Variants in ANO6 observed in about 807,000 individuals in gnomAD.
ANO6 encodes the protein anoctamin 6.
ANO6 carries 106 observed loss-of-function variants against 117.5 expected under a neutral mutation model. That is an observed-to-expected ratio of 0.90 (90% CI 0.77 to 1.06). ANO6 has a LOEUF of 1.06. ANO6 is among the 50% of genes least tolerant of loss of function. The probability of loss-of-function intolerance (pLI) is 0.00; values close to 1 mark genes in which losing one functional copy is unlikely to be tolerated. For missense variants in ANO6, 955 were observed against 1,121.1 expected (o/e 0.85, Z 2.12); for synonymous variants, 367 against 385.1 (o/e 0.95, Z 0.55).
chr12:45,438,965 A>G (rs1943739498), intron 19 of ANO6, among the ~76,000 whole-genome samples: 1 of 152,262 alleles, frequency 6.6e-6, no homozygotes, highest in African/African-American at 2.4e-5. Context: ...TAAATGCCTC[A>G]TCTGTCCTGA....
At chr12:45,264,571 T>A (rs188198344) in intron 1 of ANO6, among the ~76,000 whole-genome samples, 2 of 152,214 alleles carry the variant, frequency 1.3e-5, no homozygotes, top group African/African-American at 4.8e-5. Context: ...AGTAAAGTTT[T>A]AAAATAGATG....
At chr12:45,357,521 T>C in intron 8 of ANO6, 97 bp downstream of exon 8, 1 of 1,421,034 alleles carries the variant, frequency 7.0e-7, no homozygotes, top group Non-Finnish European at 9.8e-7. Flanking sequence ...CAAGACTGAC[T>C]GCAGAACATT....
intron 1 of ANO6, among the ~76,000 whole-genome samples, chr12:45,239,787 A>G (rs1300327490): frequency 1.3e-5 from 2 of 152,192 alleles, no homozygotes; most frequent in Non-Finnish European, 2.9e-5. Context: ...TTACGTACCC[A>G]GTAATTCAGG....
chr12:45,420,303 A>C (rs1943325079), intron 17 of ANO6, among the ~76,000 whole-genome samples: 1 of 152,322 alleles, frequency 6.6e-6, no homozygotes, highest in Non-Finnish European at 1.5e-5. Context: ...AATTATTTTC[A>C]TAATGTTGAC....
intron 1 of ANO6, among the ~76,000 whole-genome samples, chr12:45,228,713 G>A (rs762471017): frequency 4.6e-5 from 7 of 152,210 alleles, no homozygotes; most frequent in Non-Finnish European, 8.8e-5. Context: ...GTGGAGGCAG[G>A]GCAGTCAGGT....
At chr12:45,314,630 T>C (rs929646558) in intron 2 of ANO6, among the ~76,000 whole-genome samples, 1 of 151,912 alleles carries the variant, frequency 6.6e-6, no homozygotes, top group Non-Finnish European at 1.5e-5. Flanking sequence ...AGCTCAACCT[T>C]GAAGACTACA....
At chr12:45,281,555 T>C (rs1238081382) in intron 1 of ANO6, among the ~76,000 whole-genome samples, 1 of 152,140 alleles carries the variant, frequency 6.6e-6, no homozygotes, top group East Asian at 1.9e-4. Context: ...GAGAATACCA[T>C]ACTCTTTTAA....
At chr12:45,299,883 G>A (rs1592934660) in intron 1 of ANO6, among the ~76,000 whole-genome samples, 1 of 152,048 alleles carries the variant, frequency 6.6e-6, no homozygotes, top group East Asian at 1.9e-4. Flanking sequence ...AAAAAAAATT[G>A]AATCCAAATA....
intron 1 of ANO6, among the ~76,000 whole-genome samples, chr12:45,219,802 C>A (rs1423635157): frequency 6.6e-6 from 1 of 152,158 alleles, no homozygotes; most frequent in East Asian, 1.9e-4. Context: ...AACCTGTTGG[C>A]ATTAGAGCAT....
At chr12:45,319,552 A>T (rs1017733054) in intron 2 of ANO6, among the ~76,000 whole-genome samples, 9 of 152,198 alleles carry the variant, frequency 5.9e-5, no homozygotes, top group African/African-American at 1.9e-4. Flanking sequence ...ATCGATGTTC[A>T]TCAGGGATAT....
intron 12 of ANO6, among the ~76,000 whole-genome samples, chr12:45,391,264 C>G (rs1214317156): frequency 6.6e-6 from 1 of 152,236 alleles, no homozygotes; most frequent in East Asian, 1.9e-4. Flanking sequence ...AACACATTTT[C>G]TGTAAAATAT....
chr12:45,439,786 C>T (rs975528232), exon 20 of ANO6: 2 of 1,550,330 alleles, frequency 1.3e-6, no homozygotes, highest in African/African-American at 1.4e-5. Flanking sequence ...TGAAATTAGA[C>T]TTTTGGAACA....
At chr12:45,292,288 T>G (rs1041031422) in intron 1 of ANO6, among the ~76,000 whole-genome samples, 6 of 152,056 alleles carry the variant, frequency 3.9e-5, no homozygotes, top group Non-Finnish European at 8.8e-5. Context: ...GAAAAAAGAT[T>G]AGAGATAACT....
chr12:45,316,634 G>A (rs1940035215), intron 2 of ANO6, among the ~76,000 whole-genome samples: 1 of 151,800 alleles, frequency 6.6e-6, no homozygotes, highest in African/African-American at 2.4e-5. Flanking sequence ...TTAAATACTT[G>A]GACATGTTAC....
chr12:45,409,214 G>A, intron 15 of ANO6, 143 bp from the exon 16 acceptor site: 1 of 1,084,518 alleles, frequency 9.2e-7, no homozygotes, highest in South Asian at 1.4e-5. Context: ...TAAGGAGGCA[G>A]AAATAAAAAC....
Position 45,431,423 on chromosome 12 carries a change from A to G in ANO6, c.*2112A>G, listed in dbSNP as rs1474404049. The G allele has an allele frequency of 1.0e-6, 1 of 985,188 alleles. No homozygotes were observed. Among genetic ancestry groups the G allele is most frequent in the Non-Finnish European group, 1.2e-6 (1 of 829,922 alleles). The allele number at this position is 985,188 out of a possible 1,614,324, so 61.0% of individuals were successfully genotyped here. On this transcript the variant is annotated 3_prime_UTR_variant, in exon 20 of 20. Transcript: ENST00000320560. ...TCAGCATAGAAAAGGAAATGTTTTT[A>G]CCTTATCTCCTGTATGTATGATAGA...
intron 1 of ANO6, among the ~76,000 whole-genome samples, chr12:45,240,351 A>ATTTT (rs57126852): frequency 6.5e-5 from 2 of 30,738 alleles, no homozygotes; most frequent in Non-Finnish European, 8.7e-5. Context: ...GCAACCCCTG[A>ATTTT]TTTTTTTTTT....
At chr12:45,438,107 G>A (rs760342597) in intron 19 of ANO6, among the ~76,000 whole-genome samples, 11 of 152,114 alleles carry the variant, frequency 7.2e-5, no homozygotes, top group African/African-American at 2.4e-4. Context: ...CTTCCGCTCA[G>A]GCAAGCTGCC....
chr12:45,325,203 G>A (rs528240548), intron 2 of ANO6, among the ~76,000 whole-genome samples: 1 of 152,212 alleles, frequency 6.6e-6, no homozygotes, highest in African/African-American at 2.4e-5. Context: ...TATTATTTTG[G>A]TTCCAACTGA....
Sources: allele counts gnomAD v4.1 joint callset (sites outside exome capture counted in the v4.1 genomes callset), GRCh38; gene constraint gnomAD v4.1.1; transcripts MANE v1.5; gene names NCBI Gene and HGNC (gene_info 2026-07-23, HGNC 2026-07-21).